Variants in INPP5A observed in about 807,000 individuals in gnomAD.
The protein encoded by INPP5A is inositol polyphosphate-5-phosphatase A.
In INPP5A, 14 loss-of-function variants were observed where a neutral mutation model predicts 65.2. The observed-to-expected ratio is 0.21, with a 90% CI of 0.14 to 0.34. The LOEUF is 0.34. Among genes scored for constraint, INPP5A ranks in the 10% least tolerant of loss-of-function variants. The probability of loss-of-function intolerance (pLI) is 1.00; values close to 1 mark genes in which losing one functional copy is unlikely to be tolerated. For synonymous variants in INPP5A, 207 were observed against 208.3 expected (o/e 0.99, Z 0.05); for missense variants, 431 against 545.6 (o/e 0.79, Z 2.09).
Position 132,690,149 on chromosome 10 carries a change from C to G in INPP5A, c.307-243C>G, listed in dbSNP as rs563182833. ...TCCACTCAATGCCTGGCCCGTGGGA[C>G]TTGCGTCCCTGCTGGAGCCAGCAGC... On this transcript the variant is annotated intron_variant, in intron 4 of 15. Transcript: ENST00000368594. 3.9e-5 allele frequency among the ~76,000 whole-genome samples: 6 copies of G among 152,362 alleles called. No homozygotes were observed. The East Asian group carries it at 1.2e-3, about 29-fold the overall frequency.
intron 1 of INPP5A, among the ~76,000 whole-genome samples, chr10:132,590,699 C>A (rs971821419): frequency 6.6e-6 from 1 of 152,202 alleles, no homozygotes; most frequent in African/African-American, 2.4e-5. Context: ...CCTGGATGTA[C>A]ACAGGGGCCA....
At chr10:132,609,546 A>G (rs1014474649) in intron 2 of INPP5A, among the ~76,000 whole-genome samples, 10 of 152,244 alleles carry the variant, frequency 6.6e-5, no homozygotes, top group Non-Finnish European at 8.8e-5. Context: ...GTGACCGGCA[A>G]GGAGCAGAAC....
At chr10:132,718,561 T>C (rs1845791032) in intron 8 of INPP5A, among the ~76,000 whole-genome samples, 1 of 150,006 alleles carries the variant, frequency 6.7e-6, no homozygotes. Context: ...GACGACTGTC[T>C]TCAGGGTTCT....
In INPP5A at chr10:132,663,956, C is replaced by T. The variant is rs2072770738; in HGVS notation, c.306+13451C>T. Reference sequence around the variant, plus strand: ...GGCGGCCGACAGGCGTGATCGAGTGCCGTGTCACACGCAGCCCAGGAAACA... The same window carrying T: ...GGCGGCCGACAGGCGTGATCGAGTGTCGTGTCACACGCAGCCCAGGAAACA... On this transcript the variant is annotated intron_variant, in intron 4 of 15. Transcript: ENST00000368594. The surrounding 1 kb of genome is among the most constrained non-coding windows in gnomAD (Gnocchi z 4.5). Among the ~76,000 whole-genome samples, 1 of 152,244 alleles carries T rather than the reference C, an allele frequency of 6.6e-6. No homozygotes were observed. Among genetic ancestry groups the T allele is most frequent in the Non-Finnish European group, 1.5e-5 (1 of 68,044 alleles).
intron 8 of INPP5A, among the ~76,000 whole-genome samples, chr10:132,715,753 G>A (rs986015037): frequency 6.6e-6 from 1 of 152,214 alleles, no homozygotes; most frequent in Non-Finnish European, 1.5e-5. Flanking sequence ...TGGTTCTCGC[G>A]CTCCTCACAC....
intron 9 of INPP5A, among the ~76,000 whole-genome samples, chr10:132,743,649 C>A (rs201469475): frequency 6.6e-6 from 1 of 152,236 alleles, no homozygotes; most frequent in Non-Finnish European, 1.5e-5. Flanking sequence ...CTCCTCGTCA[C>A]GTGTGGGGAG....
chr10:132,666,383 A>G (rs2072803041), intron 4 of INPP5A, among the ~76,000 whole-genome samples: 2 of 152,184 alleles, frequency 1.3e-5, no homozygotes. Flanking sequence ...GAGGTAACGG[A>G]TAAGGGCCTT....
In INPP5A at chr10:132,595,923, C is replaced by T. The variant is rs201226442; in HGVS notation, c.76-11992C>T. Among the ~76,000 whole-genome samples, 62 of 151,302 alleles carry T rather than the reference C, an allele frequency of 4.1e-4. No individual in the cohort carries two copies. The East Asian group carries it at 0.011, about 27-fold the overall frequency. On this transcript the variant is annotated intron_variant, in intron 1 of 15. Coordinates refer to ENST00000368594, the MANE Select transcript of INPP5A (RefSeq NM_005539.5). ...TTTTTTTTAACATTTCCCATATTTT[C>T]ATAGTTTTTGTATTGTTCTTTGAGA...
At chr10:132,544,308 G>A (rs2070941366) in intron 1 of INPP5A, among the ~76,000 whole-genome samples, 1 of 152,236 alleles carries the variant, frequency 6.6e-6, no homozygotes, top group Non-Finnish European at 1.5e-5. Flanking sequence ...AGGAGGTTGG[G>A]GCGTCCTCAT....
At chr10:132,655,888 C>T (rs767268832) in intron 4 of INPP5A, among the ~76,000 whole-genome samples, 2 of 152,260 alleles carry the variant, frequency 1.3e-5, no homozygotes, top group African/African-American at 2.4e-5. Flanking sequence ...GGGCTGCAGG[C>T]GCCTGAGTGT....
rs554890216 is a variant in INPP5A, at chr10:132,726,839, C to T, written c.666C>T (p.Phe222=). The change falls in exon 9 of 16, where the codon TTC becomes TTT. Residue 222 remains phenylalanine (F), a synonymous_variant. Coordinates refer to ENST00000368594, the MANE Select transcript of INPP5A (RefSeq NM_005539.5). ...YVLDRIIDQR[F]EKVSYFVFGD... ...TTTCCAGAATCATTGATCAGCGATTCGAGAAGGTTTCCTACTTTGTATTTG... is the reference window on the plus strand; with the variant it reads ...TTTCCAGAATCATTGATCAGCGATTTGAGAAGGTTTCCTACTTTGTATTTG... The T allele has an allele frequency of 6.4e-5, 102 of 1,604,336 alleles. 1 individual carries two copies. The South Asian group carries it at 1.0e-3, about 16-fold the overall frequency.
chr10:132,654,217 G>A (rs536172007), intron 4 of INPP5A, among the ~76,000 whole-genome samples: 154 of 152,358 alleles, frequency 1.0e-3, no homozygotes, highest in African/African-American at 3.5e-3. Context: ...CTCTGCTGCC[G>A]CCCTTCAGCT....
intron 9 of INPP5A, among the ~76,000 whole-genome samples, chr10:132,730,395 G>A (rs1274409333): frequency 6.6e-6 from 1 of 152,244 alleles, no homozygotes; most frequent in East Asian, 1.9e-4. Context: ...TGCTGGCCGG[G>A]GCTGCGTGGG....
intron 1 of INPP5A, among the ~76,000 whole-genome samples, chr10:132,566,027 G>T (rs1354501301): frequency 6.6e-6 from 1 of 152,118 alleles, no homozygotes; most frequent in Admixed American, 6.5e-5. Context: ...AGGCGTTGTA[G>T]CCTCAGGAGT....
chr10:132,712,264 T>TTG (rs771392243), intron 8 of INPP5A, among the ~76,000 whole-genome samples: 1 of 152,032 alleles, frequency 6.6e-6, no homozygotes, highest in African/African-American at 2.4e-5. Flanking sequence ...ATGTATGTAA[T>TTG]TGTGTGTGTG....
intron 12 of INPP5A, among the ~76,000 whole-genome samples, chr10:132,770,245 G>T (rs552719234): frequency 3.3e-5 from 5 of 152,332 alleles, no homozygotes; most frequent in Non-Finnish European, 5.9e-5. Flanking sequence ...CCCACCCCCA[G>T]GTCAGCCTCT....
At chr10:132,640,493 C>T (rs1285766684) in intron 2 of INPP5A, among the ~76,000 whole-genome samples, 1 of 152,238 alleles carries the variant, frequency 6.6e-6, no homozygotes, top group African/African-American at 2.4e-5. Context: ...CTGCTGCTCC[C>T]GTAAGTGTGG....
chr10:132,636,126 ATAT>A (rs1382637997), intron 2 of INPP5A, among the ~76,000 whole-genome samples: 8 of 151,732 alleles, frequency 5.3e-5, no homozygotes, highest in Non-Finnish European at 1.2e-4. Flanking sequence ...CCAGTTGGAA[ATAT>A]TATTTCAAAA....
chr10:132,708,063 G>A lies in INPP5A; in HGVS notation c.475-250G>A, dbSNP rs946944771. Among the ~76,000 whole-genome samples the A allele has an allele frequency of 2.8e-4, 42 of 152,176 alleles. 1 individual carries two copies. The highest frequency in any genetic ancestry group is 3.9e-4 in the Admixed American group (6 of 15,284). On this transcript the variant is annotated intron_variant, in intron 6 of 15. Transcript: ENST00000368594. ...GGGCTCACAGGCGGCAGGCTGGCAC[G>A]TTTCTTCATATCTTCCCCCCACCCC...
Sources: allele counts gnomAD v4.1 joint callset (sites outside exome capture counted in the v4.1 genomes callset), GRCh38; gene constraint gnomAD v4.1.1; non-coding constraint Gnocchi (gnomAD v3.1); transcripts MANE v1.5; gene names NCBI Gene and HGNC (gene_info 2026-07-23, HGNC 2026-07-21).